The following IMMP2L variants were observed in gnomAD, a reference collection of about 807,000 sequenced individuals.
IMMP2L encodes the protein inner mitochondrial membrane peptidase subunit 2, also known as mitochondrial inner membrane protease subunit 2.
A neutral mutation model predicts 19.3 loss-of-function variants in IMMP2L; 18 were observed. The observed-to-expected ratio is 0.93, with a 90% CI of 0.64 to 1.38. The LOEUF (loss-of-function observed/expected upper bound fraction) is 1.38, where lower values mean the gene tolerates loss of function less well. Among genes scored for constraint, IMMP2L ranks in the 40% most tolerant of loss-of-function variants. IMMP2L has a pLI of 0.00. For synonymous variants in IMMP2L, 76 were observed against 73.0 expected, an observed-to-expected ratio of 1.04 and a Z score of -0.21; for missense variants, 233 against 218.2, an observed-to-expected ratio of 1.07 and a Z score of -0.43.
chr7:111,416,926 A>C (rs1463212075), intron 3 of IMMP2L, among the ~76,000 whole-genome samples: 2 of 151,684 alleles, frequency 1.3e-5, no homozygotes, highest in Non-Finnish European at 2.9e-5. Flanking sequence ...TAAATATATT[A>C]ATAAATTAGA....
intron 3 of IMMP2L, among the ~76,000 whole-genome samples, chr7:110,977,327 A>T (rs2129557470): frequency 6.6e-6 from 1 of 152,102 alleles, no homozygotes; most frequent in East Asian, 1.9e-4. Context: ...TTTCATGAGT[A>T]TAAAAGGATG....
intron 3 of IMMP2L, among the ~76,000 whole-genome samples, chr7:111,037,725 C>T (rs763555845): frequency 1.3e-5 from 2 of 152,046 alleles, no homozygotes; most frequent in African/African-American, 2.4e-5. Context: ...TAGATATTGG[C>T]CTTGTTAACA....
intron 3 of IMMP2L, among the ~76,000 whole-genome samples, chr7:111,230,646 A>G (rs1442020523): frequency 6.6e-6 from 1 of 152,022 alleles, no homozygotes; most frequent in African/African-American, 2.4e-5. Flanking sequence ...TTTCCACCAA[A>G]TATTTATTGA....
intron 3 of IMMP2L, among the ~76,000 whole-genome samples, chr7:111,425,504 G>A (rs1326686344): frequency 2.7e-5 from 4 of 150,910 alleles, no homozygotes; most frequent in South Asian, 2.1e-4. Context: ...AGTTTACTTT[G>A]AAATGCATTA....
intron 3 of IMMP2L, among the ~76,000 whole-genome samples, chr7:111,402,556 C>T (rs1041209080): frequency 4.0e-5 from 6 of 151,804 alleles, no homozygotes; most frequent in East Asian, 2.0e-4. Flanking sequence ...AATAAAAATA[C>T]GAAAATTAGC....
intron 1 of IMMP2L, among the ~76,000 whole-genome samples, chr7:111,547,502 C>T (rs1257906632): frequency 1.7e-4 from 10 of 60,168 alleles, no homozygotes; most frequent in Non-Finnish European, 3.0e-4. Flanking sequence ...AACAAACTGT[C>T]ATACCCCCCC....
chr7:111,534,761 GC>G (rs1161438636), intron 1 of IMMP2L, among the ~76,000 whole-genome samples: 2 of 152,102 alleles, frequency 1.3e-5, no homozygotes, highest in Non-Finnish European at 2.9e-5. Context: ...TCAACCAAGA[GC>G]AAGTCTTCTC....
chr7:110,729,990 T>A (rs1370276495), intron 5 of IMMP2L, among the ~76,000 whole-genome samples: 2 of 152,140 alleles, frequency 1.3e-5, no homozygotes, highest in African/African-American at 4.8e-5. Flanking sequence ...TCTTTAGTTT[T>A]GGGAATCTAT....
chr7:111,311,811 T>C (rs886784462), intron 3 of IMMP2L, among the ~76,000 whole-genome samples: 2 of 152,150 alleles, frequency 1.3e-5, no homozygotes, highest in African/African-American at 2.4e-5. Flanking sequence ...AATAGTCTGA[T>C]TGTCACTCTG....
intron 3 of IMMP2L, among the ~76,000 whole-genome samples, chr7:111,365,256 G>A (rs1396360339): frequency 2.0e-5 from 3 of 152,034 alleles, no homozygotes; most frequent in Non-Finnish European, 4.4e-5. Flanking sequence ...GTGATTATTT[G>A]AAACTGTTCA....
At chr7:111,537,370 G>A (rs2132885755) in intron 1 of IMMP2L, among the ~76,000 whole-genome samples, 1 of 152,112 alleles carries the variant, frequency 6.6e-6, no homozygotes, top group East Asian at 1.9e-4. Flanking sequence ...ATGGTAGTGA[G>A]CCAAAGTGAG....
chr7:111,131,873 G>A (rs1942125262), intron 3 of IMMP2L, among the ~76,000 whole-genome samples: 1 of 151,236 alleles, frequency 6.6e-6, no homozygotes, highest in Admixed American at 6.6e-5. Context: ...ATAACATAGA[G>A]CAAAAAAATA....
intron 3 of IMMP2L, among the ~76,000 whole-genome samples, chr7:111,349,428 A>C (rs892524578): frequency 7.9e-5 from 12 of 152,274 alleles, no homozygotes; most frequent in Admixed American, 3.3e-4. Context: ...GACAGCAAAA[A>C]ATAGTTTTAA....
chr7:110,914,094 G>C (rs963065748), intron 4 of IMMP2L, among the ~76,000 whole-genome samples: 2 of 152,166 alleles, frequency 1.3e-5, no homozygotes, highest in Non-Finnish European at 2.9e-5. Flanking sequence ...CTCTTGACCA[G>C]CCTGCTTTTG....
intron 3 of IMMP2L, among the ~76,000 whole-genome samples, chr7:111,288,621 A>G (rs776818550): frequency 2.6e-4 from 39 of 152,196 alleles, no homozygotes; most frequent in Non-Finnish European, 4.0e-4. Flanking sequence ...GTATGAACAG[A>G]CACTTCTCAA....
At chr7:111,132,497 G>GT (rs1266578823) in intron 3 of IMMP2L, among the ~76,000 whole-genome samples, 2 of 151,976 alleles carry the variant, frequency 1.3e-5, no homozygotes, top group African/African-American at 4.8e-5. Context: ...ATCCTTGTGA[G>GT]TACTGACACT....
chr7:111,493,803 C>G (rs1433805655), intron 2 of IMMP2L, among the ~76,000 whole-genome samples: 2 of 151,010 alleles, frequency 1.3e-5, no homozygotes, highest in East Asian at 2.0e-4. Context: ...GTCAGGAGAT[C>G]GAGATCATCC....
intron 4 of IMMP2L, among the ~76,000 whole-genome samples, chr7:110,899,555 T>TA (rs1221240880): frequency 1.3e-5 from 2 of 152,174 alleles, no homozygotes; most frequent in African/African-American, 2.4e-5. Flanking sequence ...TTCTTGCTAA[T>TA]TCAAGCCCAA....
intron 3 of IMMP2L, among the ~76,000 whole-genome samples, chr7:111,103,057 T>G (rs1798151911): frequency 6.6e-6 from 1 of 151,512 alleles, no homozygotes; most frequent in Non-Finnish European, 1.5e-5. Context: ...GACTTCACAG[T>G]TTTCATTTCT....
Sources: allele counts gnomAD v4.1 joint callset (sites outside exome capture counted in the v4.1 genomes callset), GRCh38; gene constraint gnomAD v4.1.1; transcripts MANE v1.5; gene names NCBI Gene and HGNC (gene_info 2026-07-23, HGNC 2026-07-21).